DNASE1: variants seen among roughly 807,000 people sequenced by gnomAD.
DNASE1 encodes deoxyribonuclease-1.
Under a neutral mutation model 33.9 loss-of-function variants are expected in DNASE1, and 40 were observed. The observed-to-expected ratio is 1.18, with a 90% CI of 0.92 to 1.54. The LOEUF (loss-of-function observed/expected upper bound fraction) is 1.54, where lower values mean the gene tolerates loss of function less well. Among genes scored for constraint, DNASE1 ranks in the 40% most tolerant of loss-of-function variants. The pLI, the probability that DNASE1 is intolerant of heterozygous loss-of-function variation, is 0.00. For missense variants in DNASE1, 518 were observed against 372.6 expected, an observed-to-expected ratio of 1.39 and a Z score of -3.21; for synonymous variants, 216 against 160.0, an observed-to-expected ratio of 1.35 and a Z score of -2.64.
chr16:3,633,831 C>G (rs2151181267), intron 1 of DNASE1, among the ~76,000 whole-genome samples: 1 of 152,060 alleles, frequency 6.6e-6, no homozygotes, highest in African/African-American at 2.4e-5. Flanking sequence ...TTTTTTAAGA[C>G]CGAGTCTCGC....
chr16:3,645,157 AAAG>A (rs1309416460), intron 1 of DNASE1, among the ~76,000 whole-genome samples: 1 of 152,088 alleles, frequency 6.6e-6, no homozygotes, highest in Non-Finnish European at 1.5e-5. Flanking sequence ...AAAAAAGTAA[AAAG>A]AAAATCCCTT....
intron 1 of DNASE1, among the ~76,000 whole-genome samples, chr16:3,645,739 G>C (rs141945302): frequency 4.3e-4 from 65 of 152,346 alleles, no homozygotes; most frequent in African/African-American, 1.4e-3. Flanking sequence ...GCTGTTGTAA[G>C]TCTTTGTGAT....
At chr16:3,623,224 C>G (rs1293686987) in intron 1 of DNASE1, among the ~76,000 whole-genome samples, 1 of 152,084 alleles carries the variant, frequency 6.6e-6, no homozygotes, top group Non-Finnish European at 1.5e-5. Flanking sequence ...ATAAAGTTGA[C>G]AAATATGCAG....
At chr16:3,648,138 C>T (rs1389600033) in intron 1 of DNASE1, among the ~76,000 whole-genome samples, 2 of 152,162 alleles carry the variant, frequency 1.3e-5, no homozygotes, top group African/African-American at 4.8e-5. Context: ...CACTGTCCTC[C>T]AGCATGGGCA....
exon 10 of DNASE1, chr16:3,663,935 C>G: frequency 2.9e-6 from 1 of 350,020 alleles, no homozygotes; most frequent in South Asian, 3.9e-5. Flanking sequence ...TGGTGGTGTG[C>G]ACCTGTAGTC....
chr16:3,621,416 G>T (rs753907447), intron 1 of DNASE1, among the ~76,000 whole-genome samples: 3 of 152,152 alleles, frequency 2.0e-5, no homozygotes, highest in Non-Finnish European at 4.4e-5. Context: ...CCTGTACATT[G>T]TTAATTTTTT....
intron 1 of DNASE1, among the ~76,000 whole-genome samples, chr16:3,621,413 A>G (rs144534678): frequency 7.9e-5 from 12 of 152,268 alleles, no homozygotes; most frequent in South Asian, 2.1e-4. Flanking sequence ...ATACCTGTAC[A>G]TTGTTAATTT....
intron 1 of DNASE1, among the ~76,000 whole-genome samples, chr16:3,613,656 G>A (rs2040989343): frequency 6.6e-6 from 1 of 152,204 alleles, no homozygotes; most frequent in South Asian, 2.1e-4. Context: ...CAGAGGCAAG[G>A]GTAGGGCAGG....
intron 1 of DNASE1, among the ~76,000 whole-genome samples, chr16:3,623,741 T>G (rs1003261942): frequency 6.6e-6 from 1 of 151,214 alleles, no homozygotes. Context: ...AGAGAGAAAG[T>G]AGGCAAAGGA....
At chr16:3,663,150 T>C (rs576180913) in exon 10 of DNASE1, 2 of 660,078 alleles carry the variant, frequency 3.0e-6, no homozygotes, top group South Asian at 3.9e-5. Flanking sequence ...CTGAGGCCCA[T>C]ACAACTTGGT....
intron 1 of DNASE1, among the ~76,000 whole-genome samples, chr16:3,621,702 A>C (rs2041320189): frequency 6.6e-6 from 1 of 152,158 alleles, no homozygotes; most frequent in Non-Finnish European, 1.5e-5. Flanking sequence ...ATTATATGTC[A>C]TCATTTGGAT....
downstream of DNASE1, chr16:3,662,021 G>C: frequency 6.2e-7 from 1 of 1,612,888 alleles, no homozygotes; most frequent in Non-Finnish European, 8.5e-7. Context: ...TGCAGGAGCT[G>C]TGCGCGCTCC....
intron 1 of DNASE1, among the ~76,000 whole-genome samples, chr16:3,619,039 A>AT (rs531078028): frequency 0.013 from 1,942 of 144,764 alleles, 35 homozygotes; most frequent in African/African-American, 0.038. Context: ...CCCCTGGGTA[A>AT]TTTTTTTTTT....
Position 3,658,043 on chromosome 16 carries a change from T to C in DNASE1, c.*90T>C. 6.2e-7 allele frequency: 1 copy of C among 1,608,110 alleles called. No homozygotes were observed. Among genetic ancestry groups the C allele is most frequent in the East Asian group, 2.2e-5 (1 of 44,720 alleles). ...AAAAAAGCCCAACACACACTCGGGT[T>C]AAGAAATACCTTTAAATTTAGGTAA... On this transcript the variant is annotated 3_prime_UTR_variant, in exon 9 of 9. Transcript: ENST00000246949.
intron 1 of DNASE1, among the ~76,000 whole-genome samples, chr16:3,634,622 G>C (rs1284854705): frequency 6.6e-6 from 1 of 152,032 alleles, no homozygotes; most frequent in Non-Finnish European, 1.5e-5. Context: ...TGATCCTCCT[G>C]CTTCAGCCCC....
exon 10 of DNASE1, chr16:3,664,117 G>T: frequency 1.3e-6 from 1 of 742,558 alleles, no homozygotes; most frequent in South Asian, 2.5e-5. Context: ...GTGGGAAACA[G>T]CCGTCACAGT....
intron 1 of DNASE1, among the ~76,000 whole-genome samples, chr16:3,617,034 A>G (rs2041127250): frequency 1.3e-5 from 2 of 152,116 alleles, no homozygotes; most frequent in Non-Finnish European, 2.9e-5. Flanking sequence ...TGAAAACTAT[A>G]AAACTCTTAG....
At chr16:3,613,014 C>T (rs2040961224) in intron 1 of DNASE1, among the ~76,000 whole-genome samples, 1 of 152,152 alleles carries the variant, frequency 6.6e-6, no homozygotes, top group African/African-American at 2.4e-5. Context: ...ATAAAATGCA[C>T]ACTAGAAGTG....
chr16:3,618,047 T>G (rs2041170774), intron 1 of DNASE1, among the ~76,000 whole-genome samples: 1 of 136,352 alleles, frequency 7.3e-6, no homozygotes, highest in African/African-American at 2.9e-5. Context: ...ACTCAGAAAA[T>G]GGGCATGGTA....
Sources: allele counts gnomAD v4.1 joint callset (sites outside exome capture counted in the v4.1 genomes callset), GRCh38; gene constraint gnomAD v4.1.1; transcripts MANE v1.5; gene names NCBI Gene and HGNC (gene_info 2026-07-23, HGNC 2026-07-21).